NRG3: variants seen among roughly 807,000 people sequenced by gnomAD.
The protein encoded by NRG3 is pro-neuregulin-3, membrane-bound isoform.
In NRG3, 31 loss-of-function variants were observed where a neutral mutation model predicts 66.9. The ratio of observed to expected loss-of-function variants is 0.46; its 90% confidence interval spans 0.35 to 0.63. NRG3 has a LOEUF of 0.63. Among genes scored for constraint, NRG3 ranks in the 20% least tolerant of loss-of-function variants. The pLI is 0.00. For missense variants in NRG3, 910 were observed against 878.9 expected, an observed-to-expected ratio of 1.04 and a Z score of -0.45; for synonymous variants, 393 against 359.4, an observed-to-expected ratio of 1.09 and a Z score of -1.06.
intron 2 of NRG3, among the ~76,000 whole-genome samples, chr10:82,632,214 G>A (rs1048391027): frequency 4.6e-5 from 7 of 152,098 alleles, no homozygotes; most frequent in African/African-American, 1.2e-4. Flanking sequence ...TCTACCAAGC[G>A]ACTGTTCAAT....
chr10:82,048,731 G>A (rs1414556623), intron 1 of NRG3, among the ~76,000 whole-genome samples: 7 of 151,584 alleles, frequency 4.6e-5, no homozygotes, highest in African/African-American at 1.7e-4. Context: ...CTAGCAGAAG[G>A]CAAGAAATAA....
At chr10:82,380,557 G>T (rs1390038677) in intron 2 of NRG3, among the ~76,000 whole-genome samples, 1 of 152,154 alleles carries the variant, frequency 6.6e-6, no homozygotes, top group Non-Finnish European at 1.5e-5. Context: ...AGAGCTATTT[G>T]AATTGTACTA....
intron 1 of NRG3, among the ~76,000 whole-genome samples, chr10:82,206,926 G>C (rs2075147691): frequency 6.6e-6 from 1 of 152,122 alleles, no homozygotes; most frequent in African/African-American, 2.4e-5. Flanking sequence ...TTACTTCTAT[G>C]GTACAGACAA....
intron 3 of NRG3, among the ~76,000 whole-genome samples, chr10:82,760,483 A>G (rs2059259416): frequency 6.6e-6 from 1 of 152,188 alleles, no homozygotes; most frequent in African/African-American, 2.4e-5. Flanking sequence ...AGAGAAAAAC[A>G]TTACTCTGAT....
At chr10:81,942,277 T>C (rs895647795) in intron 1 of NRG3, among the ~76,000 whole-genome samples, 5 of 152,028 alleles carry the variant, frequency 3.3e-5, no homozygotes, top group African/African-American at 1.2e-4. Context: ...AACACGTTCT[T>C]GGAAAAAAGA....
intron 3 of NRG3, among the ~76,000 whole-genome samples, chr10:82,754,896 A>G (rs111595634): frequency 0.031 from 4,792 of 152,252 alleles, 266 homozygotes; most frequent in African/African-American, 0.11. Flanking sequence ...GAAAGACACC[A>G]GCCTGTGTAT....
At chr10:82,165,325 C>T (rs1460530072) in intron 1 of NRG3, among the ~76,000 whole-genome samples, 1 of 151,894 alleles carries the variant, frequency 6.6e-6, no homozygotes, top group Admixed American at 6.6e-5. Flanking sequence ...ATGATGGATG[C>T]TCAATAATTA....
intron 4 of NRG3, among the ~76,000 whole-genome samples, chr10:82,891,944 C>T (rs1843186008): frequency 6.6e-6 from 1 of 151,912 alleles, no homozygotes; most frequent in Non-Finnish European, 1.5e-5. Flanking sequence ...AGTTTCCCTT[C>T]TATTTCTAGT....
chr10:82,020,850 T>A (rs1469309606), intron 1 of NRG3, among the ~76,000 whole-genome samples: 1 of 152,116 alleles, frequency 6.6e-6, no homozygotes, highest in Non-Finnish European at 1.5e-5. Flanking sequence ...TTAATAATTT[T>A]GTAATATAGC....
chr10:82,167,924 C>T (rs113530298), intron 1 of NRG3, among the ~76,000 whole-genome samples: 2,867 of 151,654 alleles, frequency 0.019, 31 homozygotes, highest in Non-Finnish European at 0.027. Context: ...AGGGGGAAAG[C>T]GTGAGAGGGA....
At chr10:82,377,939 C>T (rs115916040) in intron 2 of NRG3, among the ~76,000 whole-genome samples, 522 of 152,260 alleles carry the variant, frequency 3.4e-3, no homozygotes, top group African/African-American at 0.011. Flanking sequence ...GTAGTGTAAC[C>T]GATAGAATTT....
chr10:82,968,935 CAA>C (rs1851470022), intron 6 of NRG3, among the ~76,000 whole-genome samples: 2 of 152,182 alleles, frequency 1.3e-5, no homozygotes, highest in Admixed American at 6.5e-5. Context: ...GCAGCAGACA[CAA>C]GAGAAGAGAG....
At chr10:82,821,433 A>T (rs1307490589) in intron 3 of NRG3, among the ~76,000 whole-genome samples, 1 of 151,988 alleles carries the variant, frequency 6.6e-6, no homozygotes, top group Non-Finnish European at 1.5e-5. Flanking sequence ...TAAATTATGA[A>T]TCTTTGTCAC....
chr10:82,648,926 C>G (rs1397124460), intron 2 of NRG3, among the ~76,000 whole-genome samples: 2 of 152,002 alleles, frequency 1.3e-5, no homozygotes, highest in African/African-American at 2.4e-5. Context: ...TGCAACAACC[C>G]TTCATGCTAA....
intron 2 of NRG3, among the ~76,000 whole-genome samples, chr10:82,680,584 T>C (rs939585622): frequency 2.6e-5 from 4 of 152,238 alleles, no homozygotes; most frequent in African/African-American, 9.6e-5. Context: ...TTAATCTTTA[T>C]TCTCTGGACT....
At chr10:81,951,698 C>T (rs1849370957) in intron 1 of NRG3, among the ~76,000 whole-genome samples, 1 of 152,146 alleles carries the variant, frequency 6.6e-6, no homozygotes, top group Non-Finnish European at 1.5e-5. Flanking sequence ...TTTGTGACGT[C>T]TTGGATAAAT....
At position 82,306,649 on chromosome 10, in the gene NRG3, A is replaced by C. The variant is rs994960329; in HGVS notation, c.824-52090A>C. Among the ~76,000 whole-genome samples, 25 of 139,060 alleles carry C rather than the reference A, an allele frequency of 1.8e-4. No homozygotes were observed. In the Admixed American group the frequency reaches 1.9e-3, roughly 10 times the overall value. The allele number at this position is 139,060 out of a possible 152,430, so 91.2% of individuals were successfully genotyped here. The stretch of plus-strand genomic sequence containing the variant: ...AACCCAAGAGGCAGAGCTTTCAGTG[A>C]GCCGAGATCGCGCCACTGCACTCCA... On this transcript the variant is annotated intron_variant, in intron 1 of 8. Transcript: ENST00000372141.
rs540550598 is a variant in NRG3 at position 82,975,333 on chromosome 10, C to G, written c.1412+1418C>G. Among the ~76,000 whole-genome samples, 32 of 152,296 alleles carry G rather than the reference C, an allele frequency of 2.1e-4. No individual in the cohort carries two copies. In the South Asian group the frequency reaches 5.0e-3, roughly 24 times the overall value. ...TAATATCATTCTAGTATTATATGAA[C>G]TGTATTCTGTCATAAATGTTTTAAA... On this transcript the variant is annotated intron_variant, in intron 7 of 8. Coordinates refer to ENST00000372141, the MANE Select transcript of NRG3 (RefSeq NM_001010848.4).
chr10:81,949,178 A>C (rs1295042519), intron 1 of NRG3, among the ~76,000 whole-genome samples: 1 of 152,132 alleles, frequency 6.6e-6, no homozygotes, highest in Non-Finnish European at 1.5e-5. Context: ...GGCTGAGCTG[A>C]TACCACATGG....
Sources: gnomAD v4.1 joint callset for allele counts (sites outside exome capture counted in the v4.1 genomes callset) on GRCh38, gnomAD v4.1.1 for gene constraint, MANE v1.5 for transcripts, NCBI Gene and HGNC (gene_info 2026-07-23, HGNC 2026-07-21) for gene names.